PIP4P2: variants seen among roughly 807,000 people sequenced by gnomAD.
PIP4P2 encodes type 2 phosphatidylinositol 4,5-bisphosphate 4-phosphatase.
A neutral mutation model predicts 33.3 loss-of-function variants in PIP4P2; 19 were observed. The ratio of observed to expected loss-of-function variants is 0.57; its 90% CI spans 0.40 to 0.84. PIP4P2 has a LOEUF of 0.84. Ranked by LOEUF, PIP4P2 falls within the 40% of genes least tolerant of loss-of-function variation. The pLI, the probability that PIP4P2 is intolerant of heterozygous loss-of-function variation, is 0.00. For synonymous variants in PIP4P2, 110 were observed against 111.9 expected (o/e 0.98, Z 0.11); for missense variants, 270 against 324.7 (o/e 0.83, Z 1.29).
At chr8:90,997,848 C>T (rs1811649000) in intron 5 of PIP4P2, among the ~76,000 whole-genome samples, 2 of 151,974 alleles carry the variant, frequency 1.3e-5, no homozygotes, top group African/African-American at 4.8e-5. Flanking sequence ...CATGTGATTC[C>T]AAATAGGTTA....
At chr8:90,999,682 G>A (rs1442125965) in intron 5 of PIP4P2, among the ~76,000 whole-genome samples, 5 of 152,060 alleles carry the variant, frequency 3.3e-5, no homozygotes, top group African/African-American at 9.7e-5. Flanking sequence ...AGCAGTCTCT[G>A]TTATTTTAAT....
chr8:91,020,220 G>C lies in PIP4P2; in HGVS notation c.299C>G (p.Pro100Arg). ...CTTACAAATGAGAAGACAATTACAA[G>C]GGCATCTAACATATTTCTTGCCTGT... Reference protein sequence around the residue: ...PPTGKKYVRCPCNCLLICKDT... With the variant: ...PPTGKKYVRCRCNCLLICKDT... Residue 100 changes from proline (P) to arginine (R), a missense_variant, in exon 3 of 7, where the codon CCT (proline) becomes CGT (arginine). Physicochemically the swap from Pro to Arg is moderately radical, Grantham distance 103 (BLOSUM62 -2). Transcript: ENST00000285419. 6.2e-7 allele frequency: 1 copy of C among 1,613,764 alleles called. No homozygotes were observed. Among genetic ancestry groups the C allele is most frequent in the Non-Finnish European group, 8.5e-7 (1 of 1,179,812 alleles).
intron 1 of PIP4P2, among the ~76,000 whole-genome samples, chr8:91,023,493 T>C (rs910945332): frequency 6.6e-6 from 1 of 151,998 alleles, no homozygotes; most frequent in Non-Finnish European, 1.5e-5. Context: ...TTAACAATCA[T>C]TAAAAGGGCA....
intron 6 of PIP4P2, among the ~76,000 whole-genome samples, chr8:90,996,087 A>G (rs1811624949): frequency 6.6e-6 from 1 of 152,182 alleles, no homozygotes; most frequent in Non-Finnish European, 1.5e-5. Context: ...ACTTCTTACT[A>G]TCATGGGACA....
chr8:91,029,766 C>T (rs1304960442), intron 1 of PIP4P2, among the ~76,000 whole-genome samples: 1 of 152,014 alleles, frequency 6.6e-6, no homozygotes, highest in African/African-American at 2.4e-5. Context: ...GTCAGGAGAT[C>T]GAGACCATCC....
Position 90,995,629 on chromosome 8 carries a change from C to G in PIP4P2, c.*48G>C. 1 of 1,568,554 alleles carries G rather than the reference C, an allele frequency of 6.4e-7. No homozygotes were observed. Among genetic ancestry groups the G allele is most frequent in the South Asian group, 1.2e-5 (1 of 83,134 alleles). On this transcript the variant is annotated 3_prime_UTR_variant, in exon 7 of 7. Transcript: ENST00000285419. ...TTTAAAGATGTCCAGAGTAGCTTAC[C>G]AAGAACTGCTAGACACTCTCACCTG...
At position 91,012,928 on chromosome 8, in the gene PIP4P2, T is replaced by G. The variant is rs555734387; in HGVS notation, c.487-4133A>C. Among the ~76,000 whole-genome samples, 8 of 152,204 alleles carry G rather than the reference T, an allele frequency of 5.3e-5. No homozygotes were observed. The South Asian group carries it at 1.4e-3, about 28-fold the overall frequency. ...TTCTCTAGAATTCATTGCCAGATGATTCTAAAAATTAAATATAAACCTTTA... is the reference window on the plus strand; with the variant it reads ...TTCTCTAGAATTCATTGCCAGATGAGTCTAAAAATTAAATATAAACCTTTA... On this transcript the variant is annotated intron_variant, in intron 4 of 6. Transcript: ENST00000285419.
intron 1 of PIP4P2, among the ~76,000 whole-genome samples, chr8:91,029,945 C>A (rs983278819): frequency 1.3e-5 from 2 of 151,808 alleles, no homozygotes; most frequent in Non-Finnish European, 2.9e-5. Context: ...CCAGCCTGGG[C>A]GACAGAGCGA....
At position 90,995,575 on chromosome 8, in the gene PIP4P2, A is replaced by G; in HGVS notation, c.*102T>C. ...AAAGTCTTGAAACGATTATACATAA[A>G]CCAGAATGGAATCCATTAGGATAAA... On this transcript the variant is annotated 3_prime_UTR_variant, in exon 7 of 7. Coordinates refer to ENST00000285419, the MANE Select transcript of PIP4P2 (RefSeq NM_018710.3). 1 of 1,403,298 alleles carries G rather than the reference A, an allele frequency of 7.1e-7. No individual in the cohort carries two copies. The highest frequency in any genetic ancestry group is 9.4e-7 in the Non-Finnish European group (1 of 1,060,652). 86.9% of individuals were successfully genotyped at this position (1,403,298 alleles called of 1,614,324 possible).
intron 1 of PIP4P2, among the ~76,000 whole-genome samples, chr8:91,027,230 A>C (rs1485534423): frequency 6.6e-6 from 1 of 152,244 alleles, no homozygotes; most frequent in Non-Finnish European, 1.5e-5. Flanking sequence ...GATTGCAAAT[A>C]AGTGGAACTC....
At chr8:91,031,711 G>A (rs1449894092) in intron 1 of PIP4P2, among the ~76,000 whole-genome samples, 4 of 152,250 alleles carry the variant, frequency 2.6e-5, no homozygotes, top group Non-Finnish European at 2.9e-5. Flanking sequence ...ATTTTTACAA[G>A]AGTCATGTAA....
chr8:91,018,351 C>T lies in PIP4P2; in HGVS notation c.486+39G>A, dbSNP rs761120079. On this transcript the variant is annotated intron_variant, in intron 4 of 6. Transcript: ENST00000285419. ...GTGCTCTAATCTGTAAGATCATGAC[C>T]TATATTTACAGATTAATGACAAATG... 8 of 1,613,288 alleles carry T rather than the reference C, an allele frequency of 5.0e-6. No homozygotes were observed. In the Middle Eastern group the frequency reaches 5.0e-4, roughly 100 times the overall value.
At chr8:91,023,544 T>C (rs1461597365) in intron 1 of PIP4P2, among the ~76,000 whole-genome samples, 1 of 151,626 alleles carries the variant, frequency 6.6e-6, no homozygotes, top group Non-Finnish European at 1.5e-5. Context: ...TTCTAAGATT[T>C]GTACTATATA....
chr8:91,030,267 T>C (rs968558932), intron 1 of PIP4P2, among the ~76,000 whole-genome samples: 5 of 149,820 alleles, frequency 3.3e-5, no homozygotes, highest in Non-Finnish European at 7.4e-5. Flanking sequence ...AAATGGCTAA[T>C]AAGTGTATGA....
chr8:91,022,217 G>A (rs1334120798), intron 1 of PIP4P2, among the ~76,000 whole-genome samples: 1 of 152,136 alleles, frequency 6.6e-6, no homozygotes, highest in Non-Finnish European at 1.5e-5. Context: ...TAATGACATG[G>A]AAGGTCATAG....
In PIP4P2 at chr8:90,999,535, A is replaced by T. The variant is rs1811674860; in HGVS notation, c.540-2791T>A. 2.6e-5 allele frequency among the ~76,000 whole-genome samples: 4 copies of T among 152,074 alleles called. No individual in the cohort carries two copies. The South Asian group carries it at 8.3e-4, about 32-fold the overall frequency. ...TTTAAGGAGAGTATCAGAAAACTGT[A>T]CTCATCACTTTTGTTCACATTCCAT... On this transcript the variant is annotated intron_variant, in intron 5 of 6. Transcript: ENST00000285419.
intron 5 of PIP4P2, among the ~76,000 whole-genome samples, chr8:91,001,653 C>A (rs1383191514): frequency 6.6e-6 from 1 of 151,950 alleles, no homozygotes; most frequent in Non-Finnish European, 1.5e-5. Flanking sequence ...TTTAAAACAT[C>A]TTAGGCATAG....
intron 4 of PIP4P2, among the ~76,000 whole-genome samples, chr8:91,014,758 GAC>G (rs142952434): frequency 0.08 from 11,427 of 142,666 alleles, 1,357 homozygotes; most frequent in African/African-American, 0.27. Context: ...TTACCACAAA[GAC>G]ACACACACAC....
intron 4 of PIP4P2, among the ~76,000 whole-genome samples, chr8:91,009,099 C>G (rs538949533): frequency 3.9e-5 from 6 of 152,218 alleles, no homozygotes; most frequent in African/African-American, 1.4e-4. Flanking sequence ...CAGTTCACTT[C>G]CAACGAATAC....
Sources: gnomAD v4.1 joint callset for allele counts (sites outside exome capture counted in the v4.1 genomes callset) on GRCh38, gnomAD v4.1.1 for gene constraint, MANE v1.5 for transcripts, NCBI Gene and HGNC (gene_info 2026-07-23, HGNC 2026-07-21) for gene names.